KDM4B: variants seen among roughly 807,000 people sequenced by gnomAD.
KDM4B encodes lysine demethylase 4B.
Under a neutral mutation model 125.2 loss-of-function variants are expected in KDM4B, and 32 were observed. That is an observed-to-expected ratio of 0.26 (90% confidence interval 0.19 to 0.34). KDM4B has a LOEUF of 0.34. KDM4B is among the 10% of genes least tolerant of loss of function. The probability of loss-of-function intolerance (pLI) is 1.00; values close to 1 mark genes in which losing one functional copy is unlikely to be tolerated. For missense variants in KDM4B, 1,190 were observed against 1,577.7 expected (o/e 0.75, Z 4.16); for synonymous variants, 721 against 677.9 (o/e 1.06, Z -0.99).
intron 1 of KDM4B, among the ~76,000 whole-genome samples, chr19:4,996,072 C>T (rs2035191529): frequency 6.6e-6 from 1 of 152,108 alleles, no homozygotes; most frequent in Admixed American, 6.5e-5. Flanking sequence ...CTCACCGCAG[C>T]CTCCTCCTCC....
intron 6 of KDM4B, among the ~76,000 whole-genome samples, chr19:5,061,486 C>G (rs146133457): frequency 3.5e-4 from 54 of 152,336 alleles, no homozygotes; most frequent in African/African-American, 1.3e-3. Flanking sequence ...GTATTAGTAT[C>G]TGCCACATAA....
chr19:5,042,685 G>A (rs1037147030), intron 5 of KDM4B, among the ~76,000 whole-genome samples: 2 of 151,612 alleles, frequency 1.3e-5, no homozygotes, highest in African/African-American at 2.4e-5. Flanking sequence ...AGAGTGAGGG[G>A]GGGGGCGCCG....
intron 5 of KDM4B, among the ~76,000 whole-genome samples, chr19:5,045,677 G>A (rs937890043): frequency 1.1e-4 from 16 of 152,022 alleles, no homozygotes; most frequent in African/African-American, 3.9e-4. Flanking sequence ...GTTTCACCAT[G>A]TTGGCCAGGA....
intron 10 of KDM4B, chr19:5,111,466 C>T (rs752027454): frequency 2.6e-6 from 2 of 765,306 alleles, no homozygotes; most frequent in Non-Finnish European, 2.4e-6. Flanking sequence ...AGCCTCTTGG[C>T]TTCTGACCAC....
chr19:5,056,955 G>T (rs910377061), intron 6 of KDM4B, among the ~76,000 whole-genome samples: 1 of 151,860 alleles, frequency 6.6e-6, no homozygotes, highest in East Asian at 1.9e-4. Context: ...CTTCCCTTTT[G>T]TAGGCATTTC....
intron 1 of KDM4B, among the ~76,000 whole-genome samples, chr19:4,993,425 A>G (rs1055928237): frequency 2.6e-5 from 4 of 151,550 alleles, no homozygotes; most frequent in South Asian, 4.2e-4. Flanking sequence ...AAAAAAAAAA[A>G]GAAAGTGAAG....
At chr19:5,111,382 C>T in intron 10 of KDM4B, 1 of 764,892 alleles carries the variant, frequency 1.3e-6, no homozygotes, top group Non-Finnish European at 2.4e-6. Context: ...CAGAACCCCT[C>T]CCTGCGTATC....
chr19:4,981,712 C>T (rs2034649383), intron 1 of KDM4B, among the ~76,000 whole-genome samples: 1 of 152,138 alleles, frequency 6.6e-6, no homozygotes, highest in Non-Finnish European at 1.5e-5. Flanking sequence ...AGTGCCAAGC[C>T]CCACCTCTTC....
rs1156662208 is a variant in KDM4B, at chr19:5,112,782, C to G, written c.1115+1964C>G. 3 of 152,510 alleles carry G rather than the reference C, an allele frequency of 2.0e-5. No homozygotes were observed. In the East Asian group the frequency reaches 5.8e-4, roughly 29 times the overall value. The allele number at this position is 152,510 out of a possible 1,614,324, so 9.4% of individuals were successfully genotyped here. On this transcript the variant is annotated intron_variant, in intron 10 of 22. Coordinates refer to ENST00000159111, the MANE Select transcript of KDM4B (RefSeq NM_015015.3). ...CAGCCCTGCCAAGGTGAATCTGTCT[C>G]TTCTGCTCTTGTTCTGTCCTTTTGA...
chr19:5,107,451 C>T (rs774164280), intron 9 of KDM4B, among the ~76,000 whole-genome samples: 1 of 152,192 alleles, frequency 6.6e-6, no homozygotes, highest in Non-Finnish European at 1.5e-5. Flanking sequence ...CACAGACACC[C>T]GTGTCCCAGA....
At chr19:5,047,175 TAG>T in intron 5 of KDM4B, 7 of 327,218 alleles carry the variant, frequency 2.1e-5, no homozygotes, top group Middle Eastern at 9.1e-4. Flanking sequence ...CTCACGCCTA[TAG>T]CCTATAGTCC....
intron 11 of KDM4B, among the ~76,000 whole-genome samples, chr19:5,122,708 G>C (rs943140473): frequency 6.6e-6 from 1 of 152,214 alleles, no homozygotes; most frequent in African/African-American, 2.4e-5. Flanking sequence ...AGATAAGAAT[G>C]CCTGAGGACC....
chr19:5,101,358 G>A (rs1001444653), intron 9 of KDM4B, among the ~76,000 whole-genome samples: 8 of 150,390 alleles, frequency 5.3e-5, no homozygotes, highest in South Asian at 2.1e-4. Context: ...ACGATCTAGT[G>A]TAATGATTAC....
At chr19:5,090,210 C>G (rs1244037483) in intron 9 of KDM4B, among the ~76,000 whole-genome samples, 1 of 152,104 alleles carries the variant, frequency 6.6e-6, no homozygotes, top group Admixed American at 6.5e-5. Flanking sequence ...GGTGAGAGTG[C>G]AGAGGACAGC....
intron 9 of KDM4B, among the ~76,000 whole-genome samples, chr19:5,084,347 A>G (rs909771549): frequency 1.0e-3 from 144 of 144,164 alleles, no homozygotes; most frequent in African/African-American, 3.5e-3. Context: ...TATATATTGT[A>G]TGTAATTTAT....
At chr19:5,022,397 C>T (rs1365742309) in intron 2 of KDM4B, among the ~76,000 whole-genome samples, 1 of 152,174 alleles carries the variant, frequency 6.6e-6, no homozygotes, top group Non-Finnish European at 1.5e-5. Flanking sequence ...TGAGGTGTGG[C>T]TCACATCTCG....
At chr19:5,135,627 G>A (rs539346715) in intron 15 of KDM4B, 66 bp downstream of exon 15, 1 of 1,378,212 alleles carries the variant, frequency 7.3e-7, no homozygotes, top group Non-Finnish European at 9.9e-7. Flanking sequence ...GGGTGCCGGT[G>A]GGGGCTCCAT....
intron 10 of KDM4B, among the ~76,000 whole-genome samples, chr19:5,116,424 C>G (rs1246012392): frequency 6.6e-6 from 1 of 152,112 alleles, no homozygotes; most frequent in Non-Finnish European, 1.5e-5. Context: ...GAATAAGGAT[C>G]TTTTTAGACA....
At chr19:5,100,101 A>G (rs2613750) in intron 9 of KDM4B, among the ~76,000 whole-genome samples, 3,140 of 152,216 alleles carry the variant, frequency 0.021, 100 homozygotes, top group African/African-American at 0.068. Context: ...TTGGTGTGGG[A>G]CCTGTTTTTC....
Sources: allele counts gnomAD v4.1 joint callset (sites outside exome capture counted in the v4.1 genomes callset), GRCh38; gene constraint gnomAD v4.1.1; transcripts MANE v1.5; gene names NCBI Gene and HGNC (gene_info 2026-07-23, HGNC 2026-07-21).